The following VWA8 variants were observed in gnomAD, a reference collection of about 807,000 sequenced individuals.
The protein encoded by VWA8 is von Willebrand factor A domain-containing protein 8.
VWA8 carries 221 observed loss-of-function variants against 241.5 expected under a neutral mutation model. The observed-to-expected ratio is 0.91, with a 90% CI of 0.82 to 1.02. VWA8 has a LOEUF of 1.02. Among genes scored for constraint, VWA8 ranks in the 50% least tolerant of loss-of-function variants. The pLI is 0.00. For synonymous variants in VWA8, 852 were observed against 827.1 expected (o/e 1.03, Z -0.52); for missense variants, 2,322 against 2,328.7 (o/e 1.00, Z 0.06).
chr13:41,689,147 C>CATT (rs1400621508), intron 34 of VWA8, among the ~76,000 whole-genome samples: 2 of 152,058 alleles, frequency 1.3e-5, no homozygotes, highest in Admixed American at 6.6e-5. Context: ...TCTATCATTG[C>CATT]ATTACGCTTT....
In VWA8 at chr13:41,701,381, A is replaced by G; in HGVS notation, c.3364+11T>C. On this transcript the variant is annotated intron_variant, in intron 28 of 44. Transcript: ENST00000379310. ...GCAGGAAGGAAAGATCAAAAGAATA[A>G]GCAGACATACCATGTGATGTAGCAA... is the stretch of plus-strand genomic sequence containing the variant. 6.3e-7 allele frequency: 1 copy of G among 1,581,288 alleles called. No individual in the cohort carries two copies.
In VWA8 at chr13:41,746,073, T is replaced by C. The variant is rs149630021; in HGVS notation, c.2427-13918A>G. 3.3e-4 allele frequency among the ~76,000 whole-genome samples: 50 copies of C among 152,288 alleles called. 1 individual carries two copies. In the East Asian group the frequency reaches 8.5e-3, roughly 26 times the overall value. On this transcript the variant is annotated intron_variant, in intron 21 of 44. Coordinates refer to ENST00000379310, the MANE Select transcript of VWA8 (RefSeq NM_015058.2). ...TTAAAGGAGACCTCAGCTATAATTA[T>C]AGTGTTTTATTTCTGCAAAAGGAAG...
At chr13:41,698,403 CTGATA>C (rs1258844918) in intron 29 of VWA8, among the ~76,000 whole-genome samples, 3 of 151,992 alleles carry the variant, frequency 2.0e-5, no homozygotes, top group Non-Finnish European at 4.4e-5. Context: ...AATCTGTCTT[CTGATA>C]TATGTGTTTT....
chr13:41,881,791 C>T (rs1298817449), intron 9 of VWA8, among the ~76,000 whole-genome samples: 3 of 146,842 alleles, frequency 2.0e-5, no homozygotes, highest in Admixed American at 2.0e-4. Context: ...CCTCACTTCC[C>T]AGTAGGGGCG....
intron 17 of VWA8, among the ~76,000 whole-genome samples, chr13:41,799,866 C>T (rs1453739640): frequency 6.6e-6 from 1 of 152,128 alleles, no homozygotes; most frequent in Non-Finnish European, 1.5e-5. Context: ...GCAACCATCA[C>T]CACAAGCAAT....
chr13:41,812,283 T>C (rs1006623406), intron 16 of VWA8, among the ~76,000 whole-genome samples: 3 of 152,156 alleles, frequency 2.0e-5, no homozygotes, highest in Non-Finnish European at 4.4e-5. Context: ...GGGACCTACA[T>C]ATTAGCATAT....
At chr13:41,743,829 C>T (rs1337401840) in intron 21 of VWA8, among the ~76,000 whole-genome samples, 1 of 152,124 alleles carries the variant, frequency 6.6e-6, no homozygotes, top group African/African-American at 2.4e-5. Flanking sequence ...TTGTTGTATT[C>T]TCAAGAACAG....
chr13:41,941,801 G>A (rs1474290160), intron 2 of VWA8, among the ~76,000 whole-genome samples: 1 of 152,168 alleles, frequency 6.6e-6, no homozygotes, highest in African/African-American at 2.4e-5. Flanking sequence ...TATCTGTGAA[G>A]TTGAAACAAT....
intron 37 of VWA8, among the ~76,000 whole-genome samples, chr13:41,656,687 T>G (rs539946802): frequency 1.3e-5 from 2 of 152,308 alleles, no homozygotes; most frequent in African/African-American, 4.8e-5. Context: ...TACCATATAT[T>G]AGGTAAGGAT....
chr13:41,883,314 GA>G lies in VWA8; in HGVS notation c.1080+72del. On this transcript the variant is annotated intron_variant, in intron 9 of 44. Coordinates refer to ENST00000379310, the MANE Select transcript of VWA8 (RefSeq NM_015058.2). ...AAATAGGAAAGGTGGGGAAAGGAGT[GA>G]GGGGAAGATGGGAAAAGGCAAGGGA... 2.5e-6 allele frequency: 3 copies of G among 1,185,714 alleles called. No homozygotes were observed. The South Asian group carries it at 3.8e-5, about 15-fold the overall frequency. 73.4% of individuals were successfully genotyped at this position (1,185,714 alleles called of 1,614,324 possible).
chr13:41,947,959 C>A (rs7997954), intron 2 of VWA8, among the ~76,000 whole-genome samples: 57,003 of 78,864 alleles, frequency 0.72, 21,597 homozygotes, highest in East Asian at 0.95. Context: ...AAAAACAAAA[C>A]AAAACATTTT....
At chr13:41,901,662 C>T (rs893519248) in intron 4 of VWA8, among the ~76,000 whole-genome samples, 2 of 151,538 alleles carry the variant, frequency 1.3e-5, no homozygotes, top group Admixed American at 6.6e-5. Context: ...GAGGTCAGTT[C>T]GAAACCAGCC....
Position 41,678,972 on chromosome 13 carries a change from T to C in VWA8, c.4328-3676A>G, listed in dbSNP as rs1468477963. The stretch of plus-strand genomic sequence containing the variant: ...TAAGTCAGCTCAGAAGAAAAGAATA[T>C]TTACAAAAAGATTCTTGAACAGAAT... On this transcript the variant is annotated intron_variant, in intron 35 of 44. Transcript: ENST00000379310. Among the ~76,000 whole-genome samples, 5 of 152,194 alleles carry C rather than the reference T, an allele frequency of 3.3e-5. No individual in the cohort carries two copies. The East Asian group carries it at 9.6e-4, about 29-fold the overall frequency.
At chr13:41,573,488 T>TAAATAAATAA (rs1472867016) in intron 43 of VWA8, among the ~76,000 whole-genome samples, 6 of 113,336 alleles carry the variant, frequency 5.3e-5, no homozygotes, top group African/African-American at 2.1e-4. Context: ...AAAAAAAAAA[T>TAAATAAATAA]ATATATATAT....
At chr13:41,608,075 C>T (rs1476220350) in intron 39 of VWA8, among the ~76,000 whole-genome samples, 1 of 152,006 alleles carries the variant, frequency 6.6e-6, no homozygotes, top group Non-Finnish European at 1.5e-5. Flanking sequence ...TACACACAAA[C>T]ATATCAAGGA....
chr13:41,619,822 A>T (rs371389924), intron 37 of VWA8, among the ~76,000 whole-genome samples: 140 of 151,594 alleles, frequency 9.2e-4, no homozygotes, highest in African/African-American at 3.2e-3. Flanking sequence ...GATGAAGCCA[A>T]CTTGATCTTG....
chr13:41,666,521 T>C (rs533616181), intron 37 of VWA8, among the ~76,000 whole-genome samples: 1 of 152,264 alleles, frequency 6.6e-6, no homozygotes, highest in South Asian at 2.1e-4. Flanking sequence ...TATATCAGCC[T>C]ATGAGAGATA....
At chr13:41,865,531 T>G in intron 12 of VWA8, 1 of 526,296 alleles carries the variant, frequency 1.9e-6, no homozygotes, top group African/African-American at 1.9e-5. Context: ...CCCTGGTATG[T>G]TGTGCACATC....
intron 12 of VWA8, among the ~76,000 whole-genome samples, chr13:41,834,780 G>A (rs1566475543): frequency 6.6e-6 from 1 of 152,070 alleles, no homozygotes; most frequent in Non-Finnish European, 1.5e-5. Context: ...ATACATACAT[G>A]CGTATGTTCA....
Sources: gnomAD v4.1 joint callset for allele counts (sites outside exome capture counted in the v4.1 genomes callset) on GRCh38, gnomAD v4.1.1 for gene constraint, MANE v1.5 for transcripts, NCBI Gene and HGNC (gene_info 2026-07-23, HGNC 2026-07-21) for gene names.